Variants in FGGY observed in about 807,000 individuals in gnomAD.
FGGY encodes FGGY carbohydrate kinase domain-containing protein.
FGGY carries 72 observed loss-of-function variants against 71.3 expected under a neutral mutation model. The ratio of observed to expected loss-of-function variants is 1.01; its 90% CI spans 0.84 to 1.23. The LOEUF (loss-of-function observed/expected upper bound fraction) is 1.23, where lower values mean the gene tolerates loss of function less well. FGGY is among the 50% of genes most tolerant of loss of function. FGGY has a pLI of 0.00. For synonymous variants in FGGY, 251 were observed against 250.3 expected (o/e 1.00, Z -0.02); for missense variants, 668 against 682.3 (o/e 0.98, Z 0.23).
chr1:59,560,810 G>A (rs1028273858), intron 8 of FGGY, among the ~76,000 whole-genome samples: 21 of 152,136 alleles, frequency 1.4e-4, no homozygotes, highest in Non-Finnish European at 2.8e-4. Context: ...GTAGGAAGAA[G>A]GGGCTGTCCC....
At chr1:59,752,568 C>CA (rs1438215029) in intron 14 of FGGY, among the ~76,000 whole-genome samples, 3 of 152,198 alleles carry the variant, frequency 2.0e-5, no homozygotes, top group African/African-American at 7.2e-5. Flanking sequence ...GTAAGTCTAC[C>CA]ACTCATGGAA....
intron 5 of FGGY, among the ~76,000 whole-genome samples, chr1:59,456,484 T>C (rs1475906353): frequency 6.8e-6 from 1 of 148,032 alleles, no homozygotes; most frequent in Non-Finnish European, 1.5e-5. Flanking sequence ...AGTCTCACCC[T>C]GTTGCCCAGG....
intron 8 of FGGY, among the ~76,000 whole-genome samples, chr1:59,564,948 G>T (rs1191386970): frequency 6.6e-6 from 1 of 152,078 alleles, no homozygotes; most frequent in Non-Finnish European, 1.5e-5. Flanking sequence ...CTGGAAGAAT[G>T]GTGTAAGTTC....
intron 6 of FGGY, among the ~76,000 whole-genome samples, chr1:59,475,026 G>C (rs1400931567): frequency 6.6e-6 from 1 of 152,194 alleles, no homozygotes; most frequent in African/African-American, 2.4e-5. Flanking sequence ...CTACTATAAT[G>C]ATTGTCCATT....
At chr1:59,502,637 G>A (rs965397321) in intron 6 of FGGY, among the ~76,000 whole-genome samples, 3 of 152,194 alleles carry the variant, frequency 2.0e-5, no homozygotes, top group East Asian at 1.9e-4. Context: ...CCAGGTGGGG[G>A]AAGATGCAGG....
intron 6 of FGGY, among the ~76,000 whole-genome samples, chr1:59,466,061 A>C (rs1323909979): frequency 2.0e-5 from 3 of 152,174 alleles, no homozygotes; most frequent in Non-Finnish European, 4.4e-5. Flanking sequence ...AATCCTAAGC[A>C]AAAAGAAAAA....
intron 2 of FGGY, among the ~76,000 whole-genome samples, chr1:59,337,028 T>C (rs996065230): frequency 2.4e-4 from 34 of 142,314 alleles, no homozygotes; most frequent in African/African-American, 8.6e-4. Flanking sequence ...TTCATATATA[T>C]ATATTTATAT....
intron 7 of FGGY, among the ~76,000 whole-genome samples, chr1:59,550,464 T>C (rs1183543187): frequency 2.0e-5 from 3 of 152,038 alleles, no homozygotes; most frequent in Admixed American, 2.0e-4. Context: ...TGAATTGGGG[T>C]GGACATTAGG....
intron 5 of FGGY, among the ~76,000 whole-genome samples, chr1:59,380,674 T>C (rs1463637124): frequency 1.3e-5 from 2 of 151,650 alleles, no homozygotes; most frequent in African/African-American, 2.4e-5. Context: ...TTGAGTTCTT[T>C]GTAGATTCTG....
At chr1:59,660,085 G>T in intron 11 of FGGY, 134 bp from the exon 12 acceptor site, 4 of 712,308 alleles carry the variant, frequency 5.6e-6, no homozygotes, top group Non-Finnish European at 7.1e-6. Flanking sequence ...TTCACGTTCC[G>T]CTCACAAAAA....
chr1:59,412,530 C>T (rs2063754550), intron 5 of FGGY, among the ~76,000 whole-genome samples: 1 of 152,054 alleles, frequency 6.6e-6, no homozygotes, highest in South Asian at 2.1e-4. Flanking sequence ...GCAGTAGAAC[C>T]CTCTTCCTTG....
At chr1:59,463,525 T>C (rs181080511) in intron 6 of FGGY, among the ~76,000 whole-genome samples, 1 of 152,278 alleles carries the variant, frequency 6.6e-6, no homozygotes, top group Non-Finnish European at 1.5e-5. Context: ...TAACCTTAAA[T>C]TTAAATGGGC....
intron 8 of FGGY, among the ~76,000 whole-genome samples, chr1:59,598,944 T>C (rs974136230): frequency 1.3e-5 from 2 of 152,234 alleles, no homozygotes; most frequent in African/African-American, 4.8e-5. Context: ...TTACAACATA[T>C]GCAGAGTATG....
At chr1:59,379,865 A>G (rs774712419) in intron 5 of FGGY, among the ~76,000 whole-genome samples, 9 of 151,658 alleles carry the variant, frequency 5.9e-5, no homozygotes, top group Non-Finnish European at 2.9e-5. Context: ...TTTGTTAATT[A>G]TGTATACATG....
At chr1:59,671,320 G>T (rs2097375144) in intron 13 of FGGY, among the ~76,000 whole-genome samples, 1 of 152,234 alleles carries the variant, frequency 6.6e-6, no homozygotes, top group South Asian at 2.1e-4. Flanking sequence ...TGGGCAGGGT[G>T]CTGGAAGCCC....
intron 7 of FGGY, among the ~76,000 whole-genome samples, chr1:59,530,226 A>G (rs570949632): frequency 1.5e-4 from 23 of 152,362 alleles, no homozygotes; most frequent in Admixed American, 7.2e-4. Context: ...CACATACTGT[A>G]GGAAAGTACA....
intron 8 of FGGY, among the ~76,000 whole-genome samples, chr1:59,573,843 T>A (rs2096031396): frequency 6.6e-6 from 1 of 152,232 alleles, no homozygotes; most frequent in South Asian, 2.1e-4. Context: ...ATTACATTTT[T>A]CTTCTGGCCC....
intron 8 of FGGY, among the ~76,000 whole-genome samples, chr1:59,559,167 TTAAAG>T (rs2095744429): frequency 2.0e-5 from 3 of 152,322 alleles, no homozygotes; most frequent in South Asian, 2.1e-4. Flanking sequence ...GGTTAAGAGA[TTAAAG>T]TAAAGACAGG....
intron 11 of FGGY, among the ~76,000 whole-genome samples, chr1:59,642,406 C>T (rs551602680): frequency 1.3e-5 from 2 of 152,110 alleles, no homozygotes; most frequent in Admixed American, 6.5e-5. Context: ...CCAGTTGGAT[C>T]ATGAGGTCAG....
Sources: gnomAD v4.1 joint callset for allele counts (sites outside exome capture counted in the v4.1 genomes callset) on GRCh38, gnomAD v4.1.1 for gene constraint, MANE v1.5 for transcripts, NCBI Gene and HGNC (gene_info 2026-07-23, HGNC 2026-07-21) for gene names.